The following RFX3 variants were observed in gnomAD, a reference collection of about 807,000 sequenced individuals.
RFX3 encodes the protein transcription factor RFX3.
Under a neutral mutation model 98.6 loss-of-function variants are expected in RFX3, and 14 were observed. That is an observed-to-expected ratio of 0.14 (90% CI 0.09 to 0.22). RFX3 has a LOEUF of 0.22. RFX3 is among the 10% of genes least tolerant of loss of function. The pLI is 1.00. For missense variants in RFX3, 639 were observed against 926.9 expected, an observed-to-expected ratio of 0.69 and a Z score of 4.03; for synonymous variants, 383 against 328.4, an observed-to-expected ratio of 1.17 and a Z score of -1.80.
intron 1 of RFX3, among the ~76,000 whole-genome samples, chr9:3,427,716 C>T (rs959883855): frequency 1.4e-4 from 21 of 152,146 alleles, no homozygotes; most frequent in African/African-American, 4.8e-4. Context: ...GCTCCAACAT[C>T]TACCAGAAAC....
intron 12 of RFX3, among the ~76,000 whole-genome samples, chr9:3,263,851 G>C (rs1240950171): frequency 6.6e-6 from 1 of 152,142 alleles, no homozygotes; most frequent in Non-Finnish European, 1.5e-5. Flanking sequence ...GAGATGGAAG[G>C]ATGGGAAGAA....
intron 3 of RFX3, among the ~76,000 whole-genome samples, chr9:3,340,400 A>G (rs1432879201): frequency 6.6e-6 from 1 of 152,232 alleles, no homozygotes; most frequent in Non-Finnish European, 1.5e-5. Flanking sequence ...AAAATTGACA[A>G]ATGGGATCTA....
Position 3,488,868 on chromosome 9 carries a change from A to C in RFX3, c.-9+36879T>G, listed in dbSNP as rs544275712. 4.1e-6 allele frequency: 4 copies of C among 984,986 alleles called. No individual in the cohort carries two copies. The East Asian group carries it at 3.4e-4, about 84-fold the overall frequency. The allele number at this position is 984,986 out of a possible 1,614,324, so 61.0% of individuals were successfully genotyped here. The stretch of plus-strand genomic sequence containing the variant: ...TAGCAGATTGAGTGTTTATCTTCCC[A>C]AAGAAACTAGAGTATCCTCCATGGC... On this transcript the variant is annotated intron_variant, in intron 1 of 16. Transcript: ENST00000617270.
intron 1 of RFX3, among the ~76,000 whole-genome samples, chr9:3,481,240 T>C (rs1849732778): frequency 6.6e-6 from 1 of 152,172 alleles, no homozygotes. Context: ...AAAAATCCAT[T>C]CTTAGCATCT....
At chr9:3,497,435 A>C (rs1023179574) in intron 1 of RFX3, among the ~76,000 whole-genome samples, 1 of 152,000 alleles carries the variant, frequency 6.6e-6, no homozygotes, top group Non-Finnish European at 1.5e-5. Context: ...CTCGTGGTGA[A>C]ACTTCCAAAA....
chr9:3,316,592 G>C (rs1186034545), intron 4 of RFX3, among the ~76,000 whole-genome samples: 1 of 152,196 alleles, frequency 6.6e-6, no homozygotes, highest in African/African-American at 2.4e-5. Flanking sequence ...AATTGTCCCT[G>C]TTTGCAGATG....
intron 5 of RFX3, among the ~76,000 whole-genome samples, chr9:3,298,268 G>C (rs1244645873): frequency 1.3e-5 from 2 of 151,824 alleles, no homozygotes; most frequent in Admixed American, 6.6e-5. Context: ...GCTGCATATA[G>C]AGAAATAATT....
chr9:3,401,681 C>G (rs758175860), intron 1 of RFX3, among the ~76,000 whole-genome samples: 2 of 152,200 alleles, frequency 1.3e-5, no homozygotes, highest in East Asian at 3.8e-4. Context: ...TAGTCATCCT[C>G]GCCTAATGTG....
chr9:3,517,021 G>C (rs984678185), intron 1 of RFX3, among the ~76,000 whole-genome samples: 2 of 152,210 alleles, frequency 1.3e-5, no homozygotes, highest in African/African-American at 4.8e-5. Flanking sequence ...GCTAGCACCA[G>C]GCTGTGGGTT....
chr9:3,395,698 C>T, intron 1 of RFX3, 102 bp from the exon 2 acceptor site: 1 of 1,167,116 alleles, frequency 8.6e-7, no homozygotes, highest in Admixed American at 2.0e-5. Context: ...TAACTTTCAA[C>T]TCTCATACCT....
At chr9:3,517,083 G>C (rs1484792129) in intron 1 of RFX3, among the ~76,000 whole-genome samples, 1 of 152,178 alleles carries the variant, frequency 6.6e-6, no homozygotes, top group Non-Finnish European at 1.5e-5. Flanking sequence ...CAACTTGCTA[G>C]CCTTTGAGAA....
Position 3,350,030 on chromosome 9 carries a change from T to C in RFX3, c.118-3266A>G, listed in dbSNP as rs1470394263. ...AAGATTGATAATCCTATTAAAAAAA[T>C]GTGTAGAAAATCTAGATAACCTTGG... is the stretch of plus-strand genomic sequence containing the variant. On this transcript the variant is annotated intron_variant, in intron 2 of 16. Transcript: ENST00000617270. Among the ~76,000 whole-genome samples the C allele has an allele frequency of 2.6e-5, 4 of 152,136 alleles. No homozygotes were observed. The East Asian group carries it at 7.7e-4, about 29-fold the overall frequency.
rs145844286 is a variant in RFX3 at position 3,445,952 on chromosome 9, G to C, written c.-8-50356C>G. Among the ~76,000 whole-genome samples the C allele has an allele frequency of 1.6e-3, 244 of 152,110 alleles. 1 individual carries two copies. Among genetic ancestry groups the C allele is most frequent in the African/African-American group, 5.7e-3 (235 of 41,502 alleles). On this transcript the variant is annotated intron_variant, in intron 1 of 16. Transcript: ENST00000617270. ...TGGTGAAATCTTCTTTGACATTCCA[G>C]TCACATTTAGATGTACCTCCTTTTA... is the stretch of plus-strand genomic sequence containing the variant.
intron 14 of RFX3, among the ~76,000 whole-genome samples, chr9:3,248,743 A>T (rs962259908): frequency 2.6e-5 from 4 of 152,244 alleles, no homozygotes; most frequent in Non-Finnish European, 5.9e-5. Context: ...AGGCAAACGT[A>T]TTAAGTGTTT....
At chr9:3,420,788 C>T in intron 1 of RFX3, 1 of 985,038 alleles carries the variant, frequency 1.0e-6, no homozygotes, top group Non-Finnish European at 1.2e-6. Context: ...ACTTCCTTAC[C>T]TCCATTCATT....
intron 1 of RFX3, among the ~76,000 whole-genome samples, chr9:3,443,691 A>AATG (rs1845799207): frequency 6.6e-6 from 1 of 152,148 alleles, no homozygotes; most frequent in Non-Finnish European, 1.5e-5. Flanking sequence ...TTTATAATAG[A>AATG]ATGATTTATA....
chr9:3,461,556 G>A (rs1450710596), intron 1 of RFX3, among the ~76,000 whole-genome samples: 2 of 151,886 alleles, frequency 1.3e-5, no homozygotes, highest in Non-Finnish European at 2.9e-5. Flanking sequence ...ACTGTTAGTA[G>A]AACAATATTA....
chr9:3,467,797 C>T (rs1848444970), intron 1 of RFX3, among the ~76,000 whole-genome samples: 1 of 152,128 alleles, frequency 6.6e-6, no homozygotes, highest in African/African-American at 2.4e-5. Flanking sequence ...TGTACAAGCA[C>T]ACATAGGGCT....
chr9:3,279,867 AAC>A, intron 7 of RFX3, among the ~76,000 whole-genome samples: 1 of 151,992 alleles, frequency 6.6e-6, no homozygotes, highest in Admixed American at 6.6e-5. Flanking sequence ...CTGAGTGGGA[AAC>A]ACTAATTAGA....
Sources: allele counts gnomAD v4.1 joint callset (sites outside exome capture counted in the v4.1 genomes callset), GRCh38; gene constraint gnomAD v4.1.1; transcripts MANE v1.5; gene names NCBI Gene and HGNC (gene_info 2026-07-23, HGNC 2026-07-21).